Variants in PRKN observed in about 807,000 individuals in gnomAD.
PRKN encodes E3 ubiquitin-protein ligase parkin.
Under a neutral mutation model 59.5 loss-of-function variants are expected in PRKN, and 56 were observed. The observed-to-expected ratio is 0.94, with a 90% CI of 0.76 to 1.18. The LOEUF is 1.18. PRKN is among the 50% of genes most tolerant of loss of function. PRKN has a pLI of 0.00. For synonymous variants in PRKN, 250 were observed against 222.1 expected (o/e 1.13, Z -1.12); for missense variants, 657 against 596.4 (o/e 1.10, Z -1.06).
At chr6:161,902,560 A>ATCTATT (rs1554245457) in intron 6 of PRKN, among the ~76,000 whole-genome samples, 6 of 125,352 alleles carry the variant, frequency 4.8e-5, no homozygotes, top group African/African-American at 1.6e-4. Flanking sequence ...TTATTTATTT[A>ATCTATT]TTTATTTTTT....
At chr6:161,436,463 G>A (rs1270611152) in intron 9 of PRKN, among the ~76,000 whole-genome samples, 6 of 151,576 alleles carry the variant, frequency 4.0e-5, no homozygotes, top group South Asian at 2.1e-4. Flanking sequence ...ACTTTTTTGG[G>A]GGGGGGTGGG....
Position 161,462,700 on chromosome 6 carries a change from G to T in PRKN, c.1084-75823C>A, listed in dbSNP as rs1291318352. Among the ~76,000 whole-genome samples, 1 of 152,124 alleles carries T rather than the reference G, an allele frequency of 6.6e-6. No homozygotes were observed. The highest frequency in any genetic ancestry group is 1.5e-5 in the Non-Finnish European group (1 of 68,014). On this transcript the variant is annotated intron_variant, in intron 9 of 11. Transcript: ENST00000366898. This position sits in a 1 kb window ranked among gnomAD's most constrained non-coding sequence, Gnocchi z 4.5. ...ACTTGCTGAAAAATAAGCTGAATTC[G>T]TTGGGAATTGCTGCTAAAACATTCT...
chr6:162,531,513 G>A lies in PRKN; in HGVS notation c.8-88040C>T, dbSNP rs141859817. Among the ~76,000 whole-genome samples the A allele has an allele frequency of 6.6e-5, 10 of 152,238 alleles. No individual in the cohort carries two copies. The East Asian group carries it at 1.9e-3, about 29-fold the overall frequency. The stretch of plus-strand genomic sequence containing the variant: ...GAGCCAGGAGTGCTGATTGGCCAGA[G>A]ATGAAATCATAGGACCCGGAGCTGT... On this transcript the variant is annotated intron_variant, in intron 1 of 11. Coordinates refer to ENST00000366898, the MANE Select transcript of PRKN (RefSeq NM_004562.3).
Position 162,190,310 on chromosome 6 carries a change from T to TC in PRKN, c.534+10820dup, listed in dbSNP as rs147826497. 8.6e-3 allele frequency among the ~76,000 whole-genome samples: 1,304 copies of TC among 152,288 alleles called. 13 individuals carry two copies. Among genetic ancestry groups the TC allele is most frequent in the African/African-American group, 0.029 (1,210 of 41,578 alleles). ...CATTTTCTTTTCAGCAAGGGAAAAC[T>TC]CCATGTTTCACTTCTAATCCAGTTC... On this transcript the variant is annotated intron_variant, in intron 4 of 11. Coordinates refer to ENST00000366898, the MANE Select transcript of PRKN (RefSeq NM_004562.3).
At chr6:161,639,186 C>T (rs986797479) in intron 7 of PRKN, among the ~76,000 whole-genome samples, 15 of 152,154 alleles carry the variant, frequency 9.9e-5, no homozygotes, top group African/African-American at 3.6e-4. Context: ...AATTAAAGCT[C>T]TTTCCTTTAT....
At chr6:161,864,743 A>AC (rs1319974483) in intron 6 of PRKN, among the ~76,000 whole-genome samples, 2 of 152,072 alleles carry the variant, frequency 1.3e-5, no homozygotes, top group Non-Finnish European at 2.9e-5. Context: ...TGCAACCTCC[A>AC]CGTCCCAAGT....
chr6:162,175,418 A>T (rs1447036506), intron 4 of PRKN, among the ~76,000 whole-genome samples: 1 of 152,192 alleles, frequency 6.6e-6, no homozygotes. Flanking sequence ...CTTTATGAAG[A>T]TGTCCTGAAT....
chr6:162,223,017 C>A (rs1342962742), intron 3 of PRKN, among the ~76,000 whole-genome samples: 1 of 132,240 alleles, frequency 7.6e-6, no homozygotes, highest in Non-Finnish European at 1.6e-5. Flanking sequence ...CCTCCCCCCA[C>A]CGCACAATAG....
chr6:161,381,486 C>T (rs184870846), intron 10 of PRKN, among the ~76,000 whole-genome samples: 15 of 152,234 alleles, frequency 9.9e-5, no homozygotes, highest in Non-Finnish European at 2.1e-4. Flanking sequence ...TAATCAAGCA[C>T]GATACAAGTG....
At chr6:162,020,332 CAAAAAAAAAA>C (rs771141235) in intron 5 of PRKN, among the ~76,000 whole-genome samples, 15 of 45,506 alleles carry the variant, frequency 3.3e-4, no homozygotes, top group Middle Eastern at 0.024. Context: ...ACCAATGAAT[CAAAAAAAAAA>C]AAAAAAAAAA....
chr6:161,876,672 C>CA (rs1429847958), intron 6 of PRKN, among the ~76,000 whole-genome samples: 15 of 152,144 alleles, frequency 9.9e-5, no homozygotes. Context: ...TATATCCCTA[C>CA]ATTAAGATCC....
chr6:161,532,166 C>CTATATATATA (rs200674940), intron 9 of PRKN, among the ~76,000 whole-genome samples: 1 of 115,420 alleles, frequency 8.7e-6, no homozygotes, highest in African/African-American at 3.3e-5. Flanking sequence ...CTCTCTCTCT[C>CTATATATATA]TATATATATA....
intron 2 of PRKN, among the ~76,000 whole-genome samples, chr6:162,326,382 C>CTTACTGCTATG (rs1260202106): frequency 6.6e-6 from 1 of 152,026 alleles, no homozygotes; most frequent in African/African-American, 2.4e-5. Flanking sequence ...TATGTTTGCA[C>CTTACTGCTATG]TTTTATCATT....
chr6:161,940,727 T>C (rs1274125490), intron 6 of PRKN, among the ~76,000 whole-genome samples: 1 of 152,204 alleles, frequency 6.6e-6, no homozygotes, highest in Non-Finnish European at 1.5e-5. Flanking sequence ...GGAAAGTGAC[T>C]GTTCAGAAAT....
At chr6:162,693,857 C>T (rs1022809763) in intron 1 of PRKN, among the ~76,000 whole-genome samples, 1 of 152,146 alleles carries the variant, frequency 6.6e-6, no homozygotes, top group African/African-American at 2.4e-5. Context: ...GCATATTTAA[C>T]ATGATACACA....
chr6:161,966,897 T>C (rs1780602057), intron 6 of PRKN, among the ~76,000 whole-genome samples: 1 of 152,234 alleles, frequency 6.6e-6, no homozygotes, highest in Admixed American at 6.5e-5. Context: ...AGTGGCACGA[T>C]CTTGGCTCAC....
chr6:162,629,029 G>A (rs1783002974), intron 1 of PRKN, among the ~76,000 whole-genome samples: 1 of 152,038 alleles, frequency 6.6e-6, no homozygotes. Context: ...AATTATTTCA[G>A]CATTAATCTG....
intron 4 of PRKN, among the ~76,000 whole-genome samples, chr6:162,074,067 G>T (rs1174332627): frequency 1.4e-5 from 2 of 146,856 alleles, no homozygotes; most frequent in African/African-American, 5.1e-5. Flanking sequence ...GTGGAAGTCA[G>T]TGTGGCGATT....
chr6:162,440,834 T>C (rs1306650210), intron 2 of PRKN, among the ~76,000 whole-genome samples: 5 of 152,008 alleles, frequency 3.3e-5, no homozygotes, highest in Admixed American at 3.3e-4. Context: ...GTAATGATAA[T>C]GGGTAACTAA....
Sources: allele counts gnomAD v4.1 joint callset (sites outside exome capture counted in the v4.1 genomes callset), GRCh38; gene constraint gnomAD v4.1.1; non-coding constraint Gnocchi (gnomAD v3.1); transcripts MANE v1.5; gene names NCBI Gene and HGNC (gene_info 2026-07-23, HGNC 2026-07-21).